The following PDZD2 variants were observed in gnomAD, a reference collection of about 807,000 sequenced individuals.
PDZD2 encodes PDZ domain-containing protein 2.
PDZD2 carries 90 observed loss-of-function variants against 220.7 expected under a neutral mutation model. That is an observed-to-expected ratio of 0.41 (90% CI 0.34 to 0.49). The LOEUF is 0.49. Among genes scored for constraint, PDZD2 ranks in the 20% least tolerant of loss-of-function variants. The probability of loss-of-function intolerance (pLI) is 0.28; values close to 1 mark genes in which losing one functional copy is unlikely to be tolerated. For synonymous variants in PDZD2, 1,375 were observed against 1,450.5 expected (o/e 0.95, Z 1.18); for missense variants, 3,174 against 3,608.5 (o/e 0.88, Z 3.08).
At chr5:31,920,518 A>C (rs1425912270) in intron 2 of PDZD2, among the ~76,000 whole-genome samples, 1 of 40,740 alleles carries the variant, frequency 2.5e-5, no homozygotes, top group Non-Finnish European at 4.3e-5. Context: ...AAAAAAAAAA[A>C]AAAAAAGTCC....
chr5:31,796,041 A>G (rs544357671), intron 1 of PDZD2, among the ~76,000 whole-genome samples: 31 of 152,208 alleles, frequency 2.0e-4, no homozygotes, highest in Middle Eastern at 3.4e-3. Context: ...CCCTGTTGCT[A>G]TCCTGTGGCC....
At chr5:31,989,807 C>A (rs745377248) in intron 3 of PDZD2, among the ~76,000 whole-genome samples, 1 of 152,116 alleles carries the variant, frequency 6.6e-6, no homozygotes, top group Non-Finnish European at 1.5e-5. Flanking sequence ...GTGAATAGTG[C>A]AGGGCGGGGC....
At chr5:31,978,229 G>T (rs912602338) in intron 2 of PDZD2, among the ~76,000 whole-genome samples, 1 of 152,134 alleles carries the variant, frequency 6.6e-6, no homozygotes, top group Non-Finnish European at 1.5e-5. Flanking sequence ...TAGAGGACAT[G>T]ATTGTATTCC....
At chr5:31,699,739 G>A (rs1235420418) in intron 1 of PDZD2, among the ~76,000 whole-genome samples, 2 of 151,444 alleles carry the variant, frequency 1.3e-5, no homozygotes, top group Non-Finnish European at 2.9e-5. Flanking sequence ...GAGTAGCTGG[G>A]ATTCCAGGCA....
chr5:32,038,734 A>G (rs1179561691), intron 7 of PDZD2, among the ~76,000 whole-genome samples: 3 of 152,010 alleles, frequency 2.0e-5, no homozygotes, highest in Non-Finnish European at 4.4e-5. Context: ...TCCCCCTACA[A>G]CAGTCATCTG....
chr5:31,973,739 C>T (rs1749505053), intron 2 of PDZD2, among the ~76,000 whole-genome samples: 1 of 152,124 alleles, frequency 6.6e-6, no homozygotes, highest in African/African-American at 2.4e-5. Context: ...AGTTTATTTT[C>T]AGCTGGACTC....
intron 2 of PDZD2, among the ~76,000 whole-genome samples, chr5:31,868,720 C>T (rs1199307051): frequency 6.6e-6 from 1 of 152,114 alleles, no homozygotes; most frequent in African/African-American, 2.4e-5. Context: ...CAATTGTTAA[C>T]ATTCTTGAAT....
rs1418297698 is a variant in PDZD2, at chr5:31,743,958, TAG to T, written c.-360-54928_-360-54927del. On this transcript the variant is annotated intron_variant, in intron 1 of 24. Transcript: ENST00000438447. The stretch of plus-strand genomic sequence containing the variant: ...TAATTGGCTCAGGCGGCATCAAATA[TAG>T]AGTTTTCTGTCCTAGTCTTTCCTTT... The T allele has an allele frequency of 2.0e-5, 3 of 152,212 alleles. No individual in the cohort carries two copies. In the East Asian group the frequency reaches 5.8e-4, roughly 29 times the overall value. 9.4% of individuals were successfully genotyped at this position (152,212 alleles called of 1,614,324 possible). A position where few individuals can be genotyped will look rare whatever the true frequency, so the allele number is the denominator to read the frequency against.
At position 32,080,119 on chromosome 5, in the gene PDZD2, C is replaced by T. The variant is rs145606712; in HGVS notation, c.3682+2513C>T. 3.0e-3 allele frequency among the ~76,000 whole-genome samples: 455 copies of T among 152,186 alleles called. 2 individuals carry two copies. Among genetic ancestry groups the T allele is most frequent in the African/African-American group, 0.011 (437 of 41,526 alleles). On this transcript the variant is annotated intron_variant, in intron 19 of 24. Transcript: ENST00000438447. ...ATCCCAGCACTTTGGGAGGCCAAGA[C>T]GGACGGATCACAAGGTCAGGAGATC...
chr5:31,856,834 TG>T (rs1177005579), intron 2 of PDZD2, among the ~76,000 whole-genome samples: 1 of 151,748 alleles, frequency 6.6e-6, no homozygotes, highest in Non-Finnish European at 1.5e-5. Context: ...CTCCAGAGGG[TG>T]GGTGCTTCCT....
At chr5:32,058,868 A>G (rs1739399158) in intron 12 of PDZD2, among the ~76,000 whole-genome samples, 1 of 152,232 alleles carries the variant, frequency 6.6e-6, no homozygotes, top group South Asian at 2.1e-4. Context: ...ATGGAAGATT[A>G]AACAACCAAG....
intron 1 of PDZD2, among the ~76,000 whole-genome samples, chr5:31,694,248 C>T (rs140256939): frequency 0.022 from 3,323 of 152,006 alleles, 120 homozygotes; most frequent in African/African-American, 0.076. Context: ...AAAAATTAGC[C>T]GGGCGTGGTG....
chr5:32,055,965 T>A (rs1739047959), intron 10 of PDZD2, among the ~76,000 whole-genome samples: 1 of 152,142 alleles, frequency 6.6e-6, no homozygotes, highest in African/African-American at 2.4e-5. Flanking sequence ...AAAAAATCAA[T>A]AGTTAAGAAA....
intron 3 of PDZD2, among the ~76,000 whole-genome samples, chr5:31,991,554 T>G (rs1378017426): frequency 6.6e-6 from 1 of 152,182 alleles, no homozygotes; most frequent in Admixed American, 6.5e-5. Context: ...CAGTTTTGAT[T>G]GTACTAAGGT....
chr5:31,856,234 C>T (rs895046972), intron 2 of PDZD2, among the ~76,000 whole-genome samples: 1 of 152,082 alleles, frequency 6.6e-6, no homozygotes, highest in African/African-American at 2.4e-5. Context: ...CTCCGTGGCT[C>T]CTTTTGCTGA....
chr5:31,936,831 G>A (rs139223221), intron 2 of PDZD2, among the ~76,000 whole-genome samples: 1 of 152,278 alleles, frequency 6.6e-6, no homozygotes, highest in African/African-American at 2.4e-5. Context: ...AAATTGACTG[G>A]GATCCAGAGT....
intron 1 of PDZD2, among the ~76,000 whole-genome samples, chr5:31,791,842 T>G (rs191599706): frequency 8.5e-5 from 13 of 152,286 alleles, no homozygotes; most frequent in Admixed American, 8.5e-4. Flanking sequence ...ACATTATAGG[T>G]TCTGTTACTT....
At chr5:31,998,999 C>T (rs116304332) in intron 4 of PDZD2, among the ~76,000 whole-genome samples, 2,952 of 152,364 alleles carry the variant, frequency 0.019, 77 homozygotes, top group African/African-American at 0.054. Context: ...TGACTCACCA[C>T]GATTGAAGGG....
rs1751565556 is a variant in PDZD2 at position 31,995,625 on chromosome 5, G to A, written c.1028G>A (p.Gly343Glu). The change falls in exon 4 of 25, where the codon GGG (glycine) becomes GAG (glutamate). Residue 343 changes from glycine to glutamate, a missense_variant. By Grantham distance (98) the Gly-to-Glu change is moderately conservative. This residue lies in a region of PDZD2 where 632 missense variants were observed against 708.1 expected (regional missense o/e 0.89). Coordinates refer to ENST00000438447, the MANE Select transcript of PDZD2 (RefSeq NM_178140.4). ...WKMELLKESDGLGIQVSGGRG... is the reference protein window; with the variant it reads ...WKMELLKESDELGIQVSGGRG... ...ATGGAGCTGCTCAAAGAATCGGATG[G>A]GCTGGGAATTCAGGTTAGTGGAGGC... 1.2e-6 allele frequency: 2 copies of A among 1,614,006 alleles called. No homozygotes were observed. Among genetic ancestry groups the A allele is most frequent in the Non-Finnish European group, 1.7e-6 (2 of 1,180,026 alleles).
Sources: allele counts gnomAD v4.1 joint callset (sites outside exome capture counted in the v4.1 genomes callset), GRCh38; gene constraint gnomAD v4.1.1; regional missense constraint gnomAD v4.1.1; transcripts MANE v1.5; gene names NCBI Gene and HGNC (gene_info 2026-07-23, HGNC 2026-07-21).